Variants in LTBP2 observed in about 807,000 individuals in gnomAD.
LTBP2 encodes latent-transforming growth factor beta-binding protein 2.
LTBP2 carries 103 observed loss-of-function variants against 210.6 expected under a neutral mutation model. That is an observed-to-expected ratio of 0.49 (90% CI 0.42 to 0.58). The LOEUF (loss-of-function observed/expected upper bound fraction) is 0.58. Among genes scored for constraint, LTBP2 ranks in the 20% least tolerant of loss-of-function variants. LTBP2 has a pLI of 0.00. For synonymous variants in LTBP2, 1,007 were observed against 1,015.0 expected (o/e 0.99, Z 0.15); for missense variants, 2,313 against 2,494.5 (o/e 0.93, Z 1.55).
chr14:74,549,763 T>G, intron 8 of LTBP2, 100 bp downstream of exon 8: 1 of 983,858 alleles, frequency 1.0e-6, no homozygotes, highest in African/African-American at 1.6e-5. Flanking sequence ...CTGTTCTACC[T>G]GCCTGGCCTC....
intron 3 of LTBP2, among the ~76,000 whole-genome samples, chr14:74,564,305 ATT>A (rs2087865372): frequency 1.8e-5 from 1 of 54,262 alleles, no homozygotes; most frequent in Admixed American, 3.5e-4. Flanking sequence ...ATTTATATAT[ATT>A]TATATATATA....
At chr14:74,542,700 C>A (rs1227971573) in intron 8 of LTBP2, among the ~76,000 whole-genome samples, 1 of 151,896 alleles carries the variant, frequency 6.6e-6, no homozygotes, top group Non-Finnish European at 1.5e-5. Flanking sequence ...GCCAGACCCA[C>A]ATCTAATCCC....
In LTBP2 at chr14:74,510,173, T is replaced by G; in HGVS notation, c.3069A>C (p.Gly1023=). 1 of 1,614,036 alleles carries G rather than the reference T, an allele frequency of 6.2e-7. No individual in the cohort carries two copies. The highest frequency in any genetic ancestry group is 2.2e-5 in the East Asian group (1 of 44,880). The change falls in exon 20 of 36, where the codon GGA becomes GGC. Residue 1023 remains glycine (G), a synonymous_variant. Coordinates refer to ENST00000261978, the MANE Select transcript of LTBP2 (RefSeq NM_000428.3). ...ECLTPGVCAH[G]KCTNLEGSFR... ...AGGAGCCTTCTAGGTTGGTGCACTTTCCATGGGCACAGACCCCGGGAGTCA... is the reference window on the plus strand; with the variant it reads ...AGGAGCCTTCTAGGTTGGTGCACTTGCCATGGGCACAGACCCCGGGAGTCA...
At position 74,508,911 on chromosome 14, in the gene LTBP2, C is replaced by G. The variant is rs2087029631; in HGVS notation, c.3445G>C (p.Gly1149Arg). The part of the protein sequence containing the change: ...CEDPQSSCLG[G>R]ECKNTVGSYQ... ...GAGCCCACAGTGTTCTTGCACTCGC[C>G]TCCCAGGCAGCTGCTCTGGGGGTCT... Residue 1149 changes from glycine (G) to arginine (R), a missense_variant, in exon 23 of 36, where the codon GGC (glycine) becomes CGC (arginine). Gly to Arg is a moderately radical substitution (Grantham distance 125). Transcript: ENST00000261978. The G allele has an allele frequency of 6.2e-7, 1 of 1,613,826 alleles. No individual in the cohort carries two copies. Among genetic ancestry groups the G allele is most frequent in the Non-Finnish European group, 8.5e-7 (1 of 1,179,970 alleles).
chr14:74,544,594 C>G (rs950421755), intron 8 of LTBP2, among the ~76,000 whole-genome samples: 8 of 152,134 alleles, frequency 5.3e-5, no homozygotes, highest in Non-Finnish European at 1.2e-4. Flanking sequence ...CATACCCATC[C>G]TCCCCAGGGG....
chr14:74,596,226 AAAATAAATAAATAAAT>A (rs529095086), intron 2 of LTBP2, among the ~76,000 whole-genome samples: 3 of 122,114 alleles, frequency 2.5e-5, no homozygotes, highest in South Asian at 2.5e-4. Flanking sequence ...TGCTGTTTCA[AAAATAAATAAATAAAT>A]AAATAAATAA....
At position 74,611,380 on chromosome 14, in the gene LTBP2, C is replaced by A. The variant is rs1012466015; in HGVS notation, c.494+71G>T. The A allele has an allele frequency of 2.9e-6, 4 of 1,397,650 alleles. No individual in the cohort carries two copies. In the African/African-American group the frequency reaches 6.0e-5, roughly 21 times the overall value. 86.6% of individuals were successfully genotyped at this position (1,397,650 alleles called of 1,614,324 possible). On this transcript the variant is annotated intron_variant, in intron 1 of 35. Transcript: ENST00000261978. ...ATGAGAGCGGCGCCCTCTCCTCTCG[C>A]CTGCACGCCCCTCCACAAATGAGCC...
intron 8 of LTBP2, among the ~76,000 whole-genome samples, chr14:74,538,381 A>T (rs2087449724): frequency 6.7e-6 from 1 of 150,084 alleles, no homozygotes; most frequent in Non-Finnish European, 1.5e-5. Flanking sequence ...ACATGGTAAG[A>T]CCCCCTGAGA....
chr14:74,548,547 C>T (rs1055969075), intron 8 of LTBP2, among the ~76,000 whole-genome samples: 13 of 152,202 alleles, frequency 8.5e-5, no homozygotes, highest in Middle Eastern at 3.4e-3. Flanking sequence ...AAGGGTTCAA[C>T]GCCTGATAGG....
rs372171516 is a variant in LTBP2 at position 74,605,288 on chromosome 14, C to T, written c.495-1583G>A. On this transcript the variant is annotated intron_variant, in intron 1 of 35. Coordinates refer to ENST00000261978, the MANE Select transcript of LTBP2 (RefSeq NM_000428.3). ...AATAAATTCCTGCAGCTTGAAAAAG[C>T]GGAGGCCCATTCCTGGCCCTTTGGC... Among the ~76,000 whole-genome samples the T allele has an allele frequency of 5.3e-5, 8 of 152,234 alleles. No homozygotes were observed. The East Asian group carries it at 9.6e-4, about 18-fold the overall frequency.
At chr14:74,558,630 C>T (rs1056379127) in intron 3 of LTBP2, among the ~76,000 whole-genome samples, 1 of 151,956 alleles carries the variant, frequency 6.6e-6, no homozygotes, top group Admixed American at 6.5e-5. Flanking sequence ...AAAGAGCTCT[C>T]CAGTCTGGTC....
intron 3 of LTBP2, among the ~76,000 whole-genome samples, chr14:74,577,344 T>G (rs1359518187): frequency 1.3e-5 from 2 of 152,164 alleles, no homozygotes; most frequent in East Asian, 1.9e-4. Flanking sequence ...CTTAGCCCTC[T>G]GCAGGCTTGC....
chr14:74,583,721 T>C (rs2139785729), intron 3 of LTBP2, among the ~76,000 whole-genome samples: 1 of 152,372 alleles, frequency 6.6e-6, no homozygotes, highest in South Asian at 2.1e-4. Context: ...CTCATTTATT[T>C]ATCCATTTAA....
chr14:74,520,976 T>C (rs964785379), intron 17 of LTBP2, among the ~76,000 whole-genome samples: 1 of 152,248 alleles, frequency 6.6e-6, no homozygotes, highest in African/African-American at 2.4e-5. Context: ...GCCTGGCACA[T>C]AGGTGGTGCC....
chr14:74,580,349 T>A (rs1035923218), intron 3 of LTBP2, among the ~76,000 whole-genome samples: 1 of 152,182 alleles, frequency 6.6e-6, no homozygotes, highest in Non-Finnish European at 1.5e-5. Context: ...TAGGTTTAGA[T>A]GACTTCACAC....
intron 3 of LTBP2, among the ~76,000 whole-genome samples, chr14:74,579,157 C>T (rs1354134049): frequency 6.6e-6 from 1 of 152,176 alleles, no homozygotes; most frequent in Non-Finnish European, 1.5e-5. Flanking sequence ...GCGCCTGGCC[C>T]CAGCACCTAG....
chr14:74,598,492 A>G (rs947247415), intron 2 of LTBP2, among the ~76,000 whole-genome samples: 6 of 152,142 alleles, frequency 3.9e-5, no homozygotes, highest in Non-Finnish European at 7.3e-5. Context: ...ACACTTATGG[A>G]CCCTTTACCT....
chr14:74,611,878 G>A lies in LTBP2; in HGVS notation c.67C>T (p.Pro23Ser). ...ALRNPWRGFL[P>S]LTLALFVGAG... ...CCCACGAAGAGAGCCAGGGTGAGCG[G>A]CAGGAAGCCTCTCCAGGGGTTCCGC... is the stretch of plus-strand genomic sequence containing the variant. The change falls in exon 1 of 36, where the codon CCG becomes TCG. Residue 23 changes from proline to serine, a missense_variant. This residue lies in a region of LTBP2 where 1,867 missense variants were observed against 1,976.9 expected (regional missense o/e 0.94). Coordinates refer to ENST00000261978, the MANE Select transcript of LTBP2 (RefSeq NM_000428.3). The A allele has an allele frequency of 6.2e-7, 1 of 1,608,052 alleles. No individual in the cohort carries two copies.
intron 2 of LTBP2, among the ~76,000 whole-genome samples, chr14:74,600,664 C>G (rs984207680): frequency 6.6e-5 from 10 of 152,154 alleles, no homozygotes; most frequent in African/African-American, 7.2e-5. Flanking sequence ...ATGAAGCCAC[C>G]CGCTGCAGCT....
Sources: allele counts gnomAD v4.1 joint callset (sites outside exome capture counted in the v4.1 genomes callset), GRCh38; gene constraint gnomAD v4.1.1; regional missense constraint gnomAD v4.1.1; transcripts MANE v1.5; gene names NCBI Gene and HGNC (gene_info 2026-07-23, HGNC 2026-07-21).